SCAF1: variants seen among roughly 807,000 people sequenced by gnomAD.
SCAF1 encodes SR-related CTD associated factor 1.
Under a neutral mutation model 91.2 loss-of-function variants are expected in SCAF1, and 28 were observed. That is an observed-to-expected ratio of 0.31 (90% CI 0.23 to 0.42). SCAF1 has a LOEUF of 0.42. SCAF1 is among the 10% of genes least tolerant of loss of function. The probability of loss-of-function intolerance (pLI) is 1.00; values close to 1 mark genes in which losing one functional copy is unlikely to be tolerated. For missense variants in SCAF1, 1,893 were observed against 1,872.1 expected (o/e 1.01, Z -0.21); for synonymous variants, 1,036 against 833.7 (o/e 1.24, Z -4.18).
chr19:49,653,837 G>T (rs1407182222), intron 7 of SCAF1, 132 bp downstream of exon 7: 5 of 876,640 alleles, frequency 5.7e-6, no homozygotes, highest in Non-Finnish European at 8.2e-6. Context: ...GAGGGTGGGG[G>T]TGAGTAAAGG....
chr19:49,651,397 GC>G lies in SCAF1; in HGVS notation c.1012del (p.Gln338ArgfsTer35). 1 of 1,606,762 alleles carries G rather than the reference GC, an allele frequency of 6.2e-7. No homozygotes were observed. On this transcript the variant is annotated frameshift_variant, in exon 7 of 11. Coordinates refer to ENST00000360565, the MANE Select transcript of SCAF1 (RefSeq NM_021228.3). LOFTEE classifies it high-confidence loss of function. ...AGCCGACTCCCGCCCCTGGAACGCC[GC>G]CCCAGGTGGACTCCACCCGGGCTGA... ...TQPTPAPGTPPQVDSTRADGA... is the reference protein window; with the variant it reads ...TQPTPAPGTPXQVDSTRADGA...
At position 49,652,759 on chromosome 19, in the gene SCAF1, G is replaced by T. The variant is rs759214591; in HGVS notation, c.2370G>T (p.Arg790Ser). 1.2e-6 allele frequency: 2 copies of T among 1,611,592 alleles called. No individual in the cohort carries two copies. The highest frequency in any genetic ancestry group is 1.7e-6 in the Non-Finnish European group (2 of 1,179,204). ...RDRDRDRDRD[R>S]SSKKARPPKE... is the part of the protein sequence containing the mutation. ...GGGACAGAGATAGGGACAGGGACAG[G>T]TCATCCAAGAAGGCCCGGCCCCCCA... The change falls in exon 7 of 11, where the codon AGG becomes AGT. Residue 790 changes from arginine to serine, a missense_variant. Transcript: ENST00000360565.
chr19:49,654,526 G>A, intron 8 of SCAF1, 95 bp downstream of exon 8: 1 of 1,399,646 alleles, frequency 7.1e-7, no homozygotes, highest in Non-Finnish European at 1.0e-6. Context: ...TCTGGGGCAA[G>A]GTATCGGCCT....
In SCAF1 at chr19:49,646,242, A is replaced by G. The variant is rs145723509; in HGVS notation, c.261+40A>G. ...GGGGCTGGGGGCCTGGCTCACGGGT[A>G]TCAGGGAGGAAGGGATGGGGGCCTG... On this transcript the variant is annotated intron_variant, in intron 4 of 10. Transcript: ENST00000360565. This position sits in a 1 kb window ranked among gnomAD's most constrained non-coding sequence, Gnocchi z 5.6. 1.0e-4 allele frequency: 141 copies of G among 1,409,730 alleles called. 1 individual carries two copies. In the East Asian group the frequency reaches 3.1e-3, roughly 31 times the overall value. 87.3% of individuals were successfully genotyped at this position (1,409,730 alleles called of 1,614,324 possible).
At position 49,652,063 on chromosome 19, in the gene SCAF1, G is replaced by A; in HGVS notation, c.1674G>A (p.Arg558=). Residue 558 remains arginine, a synonymous_variant, in exon 7 of 11, where the codon CGG becomes CGA. Coordinates refer to ENST00000360565, the MANE Select transcript of SCAF1 (RefSeq NM_021228.3). ...SPWDSKKHRS[R]DRKPGSHASS... Reference sequence around the variant, plus strand: ...GGGACTCCAAGAAGCACCGCTCGCGGGACCGCAAGCCCGGCTCCCACGCCT... The same window carrying A: ...GGGACTCCAAGAAGCACCGCTCGCGAGACCGCAAGCCCGGCTCCCACGCCT... 8.2e-7 allele frequency: 1 copy of A among 1,223,558 alleles called. No homozygotes were observed. The highest frequency in any genetic ancestry group is 1.6e-5 in the South Asian group (1 of 63,548). 75.8% of individuals were successfully genotyped at this position (1,223,558 alleles called of 1,614,324 possible). A position where few individuals can be genotyped will look rare whatever the true frequency, so the allele number is the denominator to read the frequency against.
At position 49,651,350 on chromosome 19, in the gene SCAF1, C is replaced by T. The variant is rs146455893; in HGVS notation, c.961C>T (p.Arg321Cys). 6.8e-4 allele frequency: 1,096 copies of T among 1,608,126 alleles called. No individual in the cohort carries two copies. Among genetic ancestry groups the T allele is most frequent in the Middle Eastern group, 2.8e-3 (17 of 6,050 alleles). The change falls in exon 7 of 11, where the codon CGC becomes TGC. Residue 321 changes from arginine (R) to cysteine (C), a missense_variant. Physicochemically the swap from Arg to Cys is radical, Grantham distance 180. This residue lies in a region of SCAF1 where 1,436 missense variants were observed against 1,306.8 expected (regional missense o/e 1.10). Transcript: ENST00000360565. Reference sequence around the variant, plus strand: ...GGACTTCCCAGGTGACGAGAGCCCCCGCCCGGACGCGCAGCCCACACAGCC... The same window carrying T: ...GGACTTCCCAGGTGACGAGAGCCCCTGCCCGGACGCGCAGCCCACACAGCC... ...SQDFPGDESP[R>C]PDAQPTQPTP... is the part of the protein sequence containing the mutation.
rs777548460 is a variant in SCAF1 at position 49,652,727 on chromosome 19, C to A, written c.2338C>A (p.Arg780=). ...GGCGCTGGACGGGGGTGACCGGGAT[C>A]GGGACAGGGACAGAGATAGGGACAG... The part of the protein sequence containing the change: ...RKALDGGDRD[R]DRDRDRDRDR... The change falls in exon 7 of 11, where the codon CGG becomes AGG. Residue 780 remains arginine, a synonymous_variant. Transcript: ENST00000360565. 1.9e-6 allele frequency: 3 copies of A among 1,599,166 alleles called. No individual in the cohort carries two copies. Among genetic ancestry groups the A allele is most frequent in the Admixed American group, 1.7e-5 (1 of 57,580 alleles).
intron 1 of SCAF1, among the ~76,000 whole-genome samples, chr19:49,643,291 G>A (rs2081037321): frequency 6.6e-6 from 1 of 152,110 alleles, no homozygotes. Flanking sequence ...TCTGCATTAA[G>A]ATACATTTTT....
chr19:49,643,285 C>T (rs765368369), intron 1 of SCAF1, among the ~76,000 whole-genome samples: 1 of 152,118 alleles, frequency 6.6e-6, no homozygotes, highest in Non-Finnish European at 1.5e-5. Context: ...CCGTGATCTG[C>T]ATTAAGATAC....
chr19:49,644,983 G>T, intron 1 of SCAF1, 38 bp from the exon 2 acceptor site: 1 of 1,468,894 alleles, frequency 6.8e-7, no homozygotes, highest in Non-Finnish European at 9.5e-7. Flanking sequence ...CCTTTCTCCC[G>T]GGACCTCCAC....
upstream of SCAF1, among the ~76,000 whole-genome samples, chr19:49,641,354 T>C (rs536225961): frequency 3.4e-4 from 52 of 152,332 alleles, no homozygotes; most frequent in Middle Eastern, 6.8e-3. Context: ...TTCCGTCTTG[T>C]AGCCCATGCT....
rs1196934508 is a variant in SCAF1 at position 49,652,453 on chromosome 19, C to T, written c.2064C>T (p.Pro688=). 3.1e-6 allele frequency: 5 copies of T among 1,602,980 alleles called. No individual in the cohort carries two copies. Among genetic ancestry groups the T allele is most frequent in the African/African-American group, 2.7e-5 (2 of 74,822 alleles). Residue 688 remains proline (P), a synonymous_variant, in exon 7 of 11, where the codon CCC becomes CCT. Transcript: ENST00000360565. ...RDSRRRGAVP[P]SIQDLTDHDL... ...GCCGCCGCCGGGGGGCCGTGCCACC[C>T]TCCATCCAGGACCTCACGGACCACG...
chr19:49,644,332 T>G lies in SCAF1; in HGVS notation c.-6-689T>G, dbSNP rs117598457. 7.2e-4 allele frequency among the ~76,000 whole-genome samples: 109 copies of G among 152,350 alleles called. No individual in the cohort carries two copies. In the East Asian group the frequency reaches 0.016, roughly 23 times the overall value. On this transcript the variant is annotated intron_variant, in intron 1 of 10. Coordinates refer to ENST00000360565, the MANE Select transcript of SCAF1 (RefSeq NM_021228.3). ...TCATATCAAAGAATTTCCATGACAT[T>G]GCAAAGGCTTTGTGCAGATGGCGAT... is the stretch of plus-strand genomic sequence containing the variant.
rs772824205 is a variant in SCAF1, at chr19:49,652,588, C to G, written c.2199C>G (p.Asp733Glu). 1.2e-5 allele frequency: 19 copies of G among 1,568,248 alleles called. No homozygotes were observed. The highest frequency in any genetic ancestry group is 1.6e-5 in the Non-Finnish European group (19 of 1,156,374). Reference protein sequence around the residue: ...ASSPKREVLYDSEGLSGEERG... With the variant: ...ASSPKREVLYESEGLSGEERG... ...CACCTAAGCGGGAGGTCCTGTACGACTCCGAGGGACTGAGCGGCGAGGAGC... is the reference window on the plus strand; with the variant it reads ...CACCTAAGCGGGAGGTCCTGTACGAGTCCGAGGGACTGAGCGGCGAGGAGC... The change falls in exon 7 of 11, where the codon GAC becomes GAG. Residue 733 changes from aspartate (D) to glutamate (E), a missense_variant. This residue lies in a region of SCAF1 where 1,436 missense variants were observed against 1,306.8 expected (regional missense o/e 1.10). Coordinates refer to ENST00000360565, the MANE Select transcript of SCAF1 (RefSeq NM_021228.3).
rs557929069 is a variant in SCAF1 at position 49,644,912 on chromosome 19, G to A, written c.-6-109G>A. 5.0e-4 allele frequency: 360 copies of A among 723,454 alleles called. 3 individuals are homozygous for A. The African/African-American group carries it at 6.0e-3, about 12-fold the overall frequency. 44.8% of individuals were successfully genotyped at this position (723,454 alleles called of 1,614,324 possible). A position where few individuals can be genotyped will look rare whatever the true frequency, so the allele number is the denominator to read the frequency against. On this transcript the variant is annotated intron_variant, in intron 1 of 10. Transcript: ENST00000360565. ...GTGGAGGAGAGGAGGGGTGCCAGAGGGGATGCTGAGGGAGATAGTGTGGGG... is the reference window on the plus strand; with the variant it reads ...GTGGAGGAGAGGAGGGGTGCCAGAGAGGATGCTGAGGGAGATAGTGTGGGG...
At chr19:49,641,641 G>T (rs1292651213), upstream of SCAF1, among the ~76,000 whole-genome samples, 1 of 152,126 alleles carries the variant, frequency 6.6e-6, no homozygotes, top group Admixed American at 6.6e-5. Context: ...TAGAGGCGGG[G>T]TCTCCCTATA....
rs202206259 is a variant in SCAF1, at chr19:49,645,147, G to T, written c.108+13G>T. 75 of 1,611,050 alleles carry T rather than the reference G, an allele frequency of 4.7e-5. No homozygotes were observed. The highest frequency in any genetic ancestry group is 2.2e-4 in the East Asian group (10 of 44,846). On this transcript the variant is annotated intron_variant, in intron 2 of 10. Coordinates refer to ENST00000360565, the MANE Select transcript of SCAF1 (RefSeq NM_021228.3). This position sits in a 1 kb window ranked among gnomAD's most constrained non-coding sequence, Gnocchi z 4.6. Reference sequence around the variant, plus strand: ...TGCCTTTATCCTGGTGAGGCTGCTGGGCTCCTGGCACTGAGGGATGGAGGA... The same window carrying T: ...TGCCTTTATCCTGGTGAGGCTGCTGTGCTCCTGGCACTGAGGGATGGAGGA...
At chr19:49,648,043 T>A (rs530373636) in intron 6 of SCAF1, among the ~76,000 whole-genome samples, 1 of 152,050 alleles carries the variant, frequency 6.6e-6, no homozygotes, top group African/African-American at 2.4e-5. Context: ...AGTTATCCTG[T>A]TGTCTCAGTC....
chr19:49,642,199 GC>G (rs2122439066), upstream of SCAF1: 1 of 152,224 alleles, frequency 6.6e-6, no homozygotes, highest in African/African-American at 2.4e-5. The surrounding 1 kb of genome is among the most constrained non-coding windows in gnomAD (Gnocchi z 4.0). Context: ...GCCCCAGCCC[GC>G]CCCGCCCCGC....
Sources: allele counts gnomAD v4.1 joint callset (sites outside exome capture counted in the v4.1 genomes callset), GRCh38; gene constraint gnomAD v4.1.1; regional missense constraint gnomAD v4.1.1; non-coding constraint Gnocchi (gnomAD v3.1); transcripts MANE v1.5; gene names NCBI Gene and HGNC (gene_info 2026-07-23, HGNC 2026-07-21).